The following DHDDS variants were observed in gnomAD, a reference collection of about 807,000 sequenced individuals.
DHDDS encodes dehydrodolichyl diphosphate synthase subunit, also known as dehydrodolichyl diphosphate synthase complex subunit DHDDS.
A neutral mutation model predicts 46.2 loss-of-function variants in DHDDS; 16 were observed. That is an observed-to-expected ratio of 0.35 (90% CI 0.23 to 0.53). The LOEUF is 0.53. Among genes scored for constraint, DHDDS ranks in the 20% least tolerant of loss-of-function variants. DHDDS has a pLI of 0.94. For synonymous variants in DHDDS, 151 were observed against 163.1 expected, an observed-to-expected ratio of 0.93 and a Z score of 0.56; for missense variants, 340 against 423.7, an observed-to-expected ratio of 0.80 and a Z score of 1.73.
intron 8 of DHDDS, 66 bp from the exon 9 acceptor site, chr1:26,468,828 CT>C: frequency 6.3e-7 from 1 of 1,592,470 alleles, no homozygotes; most frequent in Non-Finnish European, 8.6e-7. Flanking sequence ...CCCCTACCTC[CT>C]CCATCCCAGT....
chr1:26,455,745 C>T (rs1187593060), intron 6 of DHDDS, among the ~76,000 whole-genome samples: 2 of 151,772 alleles, frequency 1.3e-5, no homozygotes, highest in African/African-American at 4.8e-5. Context: ...GACTCCATCT[C>T]CAAAAAAAAG....
rs1356364685 is a variant in DHDDS, at chr1:26,469,717, T to C, written c.*586T>C. On this transcript the variant is annotated 3_prime_UTR_variant, in exon 9 of 9. Transcript: ENST00000236342. ...ACCCTCTCCCACCACACAGTACTGA[T>C]TGCTCACTGAAAGACTCAGCACCCC... The C allele has an allele frequency of 2.3e-5, 4 of 173,008 alleles. No homozygotes were observed. Among genetic ancestry groups the C allele is most frequent in the Admixed American group, 1.1e-4 (2 of 18,354 alleles). The allele number at this position is 173,008 out of a possible 1,614,324, so 10.7% of individuals were successfully genotyped here. A position where few individuals can be genotyped will look rare whatever the true frequency, so the allele number is the denominator to read the frequency against.
At chr1:26,460,212 C>G (rs897734130) in intron 8 of DHDDS, 68 bp downstream of exon 8, 26 of 1,245,752 alleles carry the variant, frequency 2.1e-5, no homozygotes, top group Non-Finnish European at 3.1e-5. Context: ...GATTGACAAC[C>G]ACCTTACTAT....
chr1:26,439,460 T>C (rs774570300), intron 3 of DHDDS, among the ~76,000 whole-genome samples: 23 of 151,788 alleles, frequency 1.5e-4, no homozygotes, highest in Non-Finnish European at 3.2e-4. Context: ...TGCATGCCTG[T>C]GGTCCCAGCT....
chr1:26,437,013 ATAAAAAAT>A (rs1375138555), intron 2 of DHDDS, among the ~76,000 whole-genome samples: 4 of 151,920 alleles, frequency 2.6e-5, no homozygotes, highest in African/African-American at 9.7e-5. Context: ...TACTAAAAAT[ATAAAAAAT>A]TAGCTGGGCA....
chr1:26,469,282 A>C lies in DHDDS; in HGVS notation c.*151A>C, dbSNP rs1196119096. 6.9e-7 allele frequency: 1 copy of C among 1,450,078 alleles called. No homozygotes were observed. The highest frequency in any genetic ancestry group is 1.4e-5 in the African/African-American group (1 of 71,436). The allele number at this position is 1,450,078 out of a possible 1,614,324, so 89.8% of individuals were successfully genotyped here. ...GCCCCCCAGGCCAGGTTTGCTGGCC[A>C]TAGATACCTTTGGGCTGCCTGGGAC... On this transcript the variant is annotated 3_prime_UTR_variant, in exon 9 of 9. Transcript: ENST00000236342.
intron 8 of DHDDS, chr1:26,467,106 A>G (rs2075498226): frequency 3.7e-6 from 1 of 273,850 alleles, no homozygotes; most frequent in South Asian, 3.6e-5. Flanking sequence ...CTGTCCATGA[A>G]GGTCACTGCT....
intron 6 of DHDDS, 79 bp from the exon 7 acceptor site, chr1:26,457,712 G>T: frequency 9.2e-7 from 1 of 1,082,082 alleles, no homozygotes. Flanking sequence ...CCTATATATG[G>T]AAGTTCACCA....
At position 26,471,306 on chromosome 1, in the gene DHDDS, A is replaced by C. The variant is rs1418269363; in HGVS notation, c.*2175A>C. 3 of 152,074 alleles carry C rather than the reference A, an allele frequency of 2.0e-5. No homozygotes were observed. Among genetic ancestry groups the C allele is most frequent in the African/African-American group, 7.3e-5 (3 of 41,372 alleles). The allele number at this position is 152,074 out of a possible 1,614,324, so 9.4% of individuals were successfully genotyped here. ...ATTTTTAAAGATTCTTAGATGTAAA[A>C]CTTGTTTGCTAACTGCAACGGAAGA... On this transcript the variant is annotated 3_prime_UTR_variant, in exon 9 of 9. Coordinates refer to ENST00000236342, the MANE Select transcript of DHDDS (RefSeq NM_205861.3).
At chr1:26,439,764 T>C (rs2075199249) in intron 3 of DHDDS, among the ~76,000 whole-genome samples, 1 of 152,146 alleles carries the variant, frequency 6.6e-6, no homozygotes, top group Non-Finnish European at 1.5e-5. Context: ...TCATGAACAT[T>C]TTATGGTATA....
chr1:26,465,295 C>T (rs547724033), intron 8 of DHDDS, among the ~76,000 whole-genome samples: 2 of 152,328 alleles, frequency 1.3e-5, no homozygotes, highest in South Asian at 4.1e-4. Context: ...CATTATATTT[C>T]TTCTGCTCTT....
In DHDDS at chr1:26,436,225, C is replaced by G. The variant is rs1234677082; in HGVS notation, c.64-1943C>G. ...GCAGCCTGGCCAACATGGTGAGACC[C>G]CCGTCTCTACAAAATATAAAAAAAT... is the stretch of plus-strand genomic sequence containing the variant. On this transcript the variant is annotated intron_variant, in intron 2 of 8. Transcript: ENST00000236342. 5.3e-5 allele frequency among the ~76,000 whole-genome samples: 8 copies of G among 151,904 alleles called. No individual in the cohort carries two copies. The East Asian group carries it at 1.6e-3, about 30-fold the overall frequency.
chr1:26,466,903 G>A, intron 8 of DHDDS: 1 of 159,234 alleles, frequency 6.3e-6, no homozygotes, highest in Non-Finnish European at 1.4e-5. Context: ...GAGAGCCTTA[G>A]AGAGGTGAGG....
Position 26,446,435 on chromosome 1 carries a change from A to G in DHDDS, c.440+3A>G. On this transcript the variant is annotated splice_donor_region_variant and intron_variant, in intron 5 of 8. Coordinates refer to ENST00000236342, the MANE Select transcript of DHDDS (RefSeq NM_205861.3). ...CAGGCCACGAAGAACTACAACAAGT[A>G]AGTTCTCAGATTTCCCTATAGGGAG... The G allele has an allele frequency of 3.1e-6, 5 of 1,612,416 alleles. No individual in the cohort carries two copies. Among genetic ancestry groups the G allele is most frequent in the Non-Finnish European group, 4.2e-6 (5 of 1,178,622 alleles).
chr1:26,456,897 C>T (rs548439616), intron 6 of DHDDS, among the ~76,000 whole-genome samples: 23 of 152,184 alleles, frequency 1.5e-4, no homozygotes, highest in African/African-American at 4.1e-4. Context: ...CTGAAACTTG[C>T]CTTTTACATT....
intron 1 of DHDDS, 145 bp from the exon 2 acceptor site, chr1:26,432,746 T>G: frequency 1.6e-6 from 1 of 611,030 alleles, no homozygotes; most frequent in Non-Finnish European, 2.9e-6. Context: ...TATAAAACTC[T>G]GGGTGGTAAA....
chr1:26,461,289 A>C (rs1043915717), intron 8 of DHDDS, among the ~76,000 whole-genome samples: 3 of 152,224 alleles, frequency 2.0e-5, no homozygotes, highest in African/African-American at 7.2e-5. Context: ...TAATCTAATG[A>C]AAGCCACAGA....
At chr1:26,467,699 T>A (rs577655850) in intron 8 of DHDDS, among the ~76,000 whole-genome samples, 12 of 152,294 alleles carry the variant, frequency 7.9e-5, no homozygotes, top group African/African-American at 2.4e-4. Context: ...AAAACATGTA[T>A]ACAAGTTTAT....
At chr1:26,464,999 C>A (rs141095839) in intron 8 of DHDDS, among the ~76,000 whole-genome samples, 24 of 152,278 alleles carry the variant, frequency 1.6e-4, no homozygotes, top group Non-Finnish European at 2.9e-4. Context: ...CCTAGCCAGT[C>A]TTAAAGGCTG....
Sources: allele counts gnomAD v4.1 joint callset (sites outside exome capture counted in the v4.1 genomes callset), GRCh38; gene constraint gnomAD v4.1.1; transcripts MANE v1.5; gene names NCBI Gene and HGNC (gene_info 2026-07-23, HGNC 2026-07-21).